MIER1: variants seen among roughly 807,000 people sequenced by gnomAD.
MIER1 encodes the protein MIER1 transcriptional regulator.
MIER1 carries 40 observed loss-of-function variants against 75.7 expected under a neutral mutation model. The ratio of observed to expected loss-of-function variants is 0.53; its 90% CI spans 0.41 to 0.69. The LOEUF (loss-of-function observed/expected upper bound fraction) is 0.69, where lower values mean the gene tolerates loss of function less well. Among genes scored for constraint, MIER1 ranks in the 30% least tolerant of loss-of-function variants. MIER1 has a pLI of 0.00. For synonymous variants in MIER1, 213 were observed against 223.4 expected, an observed-to-expected ratio of 0.95 and a Z score of 0.42; for missense variants, 574 against 680.2, an observed-to-expected ratio of 0.84 and a Z score of 1.74.
chr1:66,926,264 G>T lies in MIER1; in HGVS notation c.168+22G>T, dbSNP rs545537020. On this transcript the variant is annotated intron_variant, in intron 2 of 13. Transcript: ENST00000401041. Reference sequence around the variant, plus strand: ...GCTGGTAGGCAGGGGTACACTTGGAGATTAAGGGAGGGAAAATCCAAACTC... The same window carrying T: ...GCTGGTAGGCAGGGGTACACTTGGATATTAAGGGAGGGAAAATCCAAACTC... 2.3e-5 allele frequency: 35 copies of T among 1,535,226 alleles called. No individual in the cohort carries two copies. The East Asian group carries it at 5.8e-4, about 26-fold the overall frequency.
At chr1:66,980,993 C>T (rs1459957192) in intron 12 of MIER1, among the ~76,000 whole-genome samples, 1 of 152,026 alleles carries the variant, frequency 6.6e-6, no homozygotes, top group African/African-American at 2.4e-5. Context: ...AGCCCACAGG[C>T]TATAGTTGGC....
rs1029618926 is a variant in MIER1 at position 66,930,342 on chromosome 1, G to T, written c.168+4100G>T. The T allele has an allele frequency of 2.5e-6, 4 of 1,604,838 alleles. No individual in the cohort carries two copies. The East Asian group carries it at 9.1e-5, about 37-fold the overall frequency. ...TGAGTCTCACATCCGGGTTCTGGCC[G>T]TGACCCAGCTGCGGCCGCCGCGGAG... On this transcript the variant is annotated intron_variant, in intron 2 of 13. Transcript: ENST00000401041.
intron 3 of MIER1, among the ~76,000 whole-genome samples, chr1:66,945,094 C>G (rs556735833): frequency 6.6e-6 from 1 of 152,196 alleles, no homozygotes; most frequent in East Asian, 1.9e-4. Context: ...CTTCACTAGA[C>G]TGTGTATTCA....
chr1:66,945,313 A>G (rs867794967), intron 3 of MIER1, among the ~76,000 whole-genome samples: 1 of 89,792 alleles, frequency 1.1e-5, no homozygotes. Context: ...ATATATATAT[A>G]TATAAAATAC....
At position 66,941,378 on chromosome 1, in the gene MIER1, A is replaced by G. The variant is rs77349930; in HGVS notation, c.193+1326A>G. Among the ~76,000 whole-genome samples, 148 of 152,246 alleles carry G rather than the reference A, an allele frequency of 9.7e-4. 4 individuals carry two copies. In the East Asian group the frequency reaches 0.027, roughly 28 times the overall value. On this transcript the variant is annotated intron_variant, in intron 3 of 13. Transcript: ENST00000401041. ...AAGATTGGGAGTAATCTGGTCTTAG[A>G]TAAGTGTTAGATCACCATATTCATT... is the stretch of plus-strand genomic sequence containing the variant.
chr1:66,982,863 A>G (rs1666176936), intron 13 of MIER1, among the ~76,000 whole-genome samples: 1 of 152,228 alleles, frequency 6.6e-6, no homozygotes, highest in African/African-American at 2.4e-5. Flanking sequence ...CTGGTCCAAG[A>G]AGGTTTATTG....
intron 1 of MIER1, chr1:66,925,546 C>T (rs1442905167): frequency 1.0e-6 from 1 of 985,302 alleles, no homozygotes; most frequent in African/African-American, 1.7e-5. Context: ...TGAGCAGCGC[C>T]CTGGGCCAAC....
chr1:66,984,334 A>C (rs1666473028), intron 13 of MIER1, among the ~76,000 whole-genome samples: 2 of 152,210 alleles, frequency 1.3e-5, no homozygotes, highest in African/African-American at 4.8e-5. Context: ...AATTTTCACA[A>C]CAACCCTGTG....
chr1:66,942,083 T>C (rs1656379414), intron 3 of MIER1, among the ~76,000 whole-genome samples: 2 of 152,228 alleles, frequency 1.3e-5, no homozygotes, highest in Admixed American at 6.5e-5. Context: ...TCTTTTGAGT[T>C]AGACAGTATT....
Position 66,976,625 on chromosome 1 carries a change from G to A in MIER1, c.1132G>A (p.Ala378Thr). The A allele has an allele frequency of 6.2e-7, 1 of 1,604,322 alleles. No homozygotes were observed. Among genetic ancestry groups the A allele is most frequent in the Non-Finnish European group, 8.5e-7 (1 of 1,176,110 alleles). The stretch of plus-strand genomic sequence containing the variant: ...AACAAGGTCAGTTGGTGAATGTGTA[G>A]CATTCTATTACATGTGGAAAAAATC... ...VRTRSVGECVAFYYMWKKSER... is the reference protein window; with the variant it reads ...VRTRSVGECVTFYYMWKKSER... Residue 378 changes from alanine (A) to threonine (T), a missense_variant, in exon 12 of 14, where the codon GCA becomes ACA. Ala to Thr is a moderately conservative substitution (Grantham distance 58, BLOSUM62 0). Around this residue, in one of 3 missense-constraint regions of MIER1, gnomAD observed 101 missense variants for 173.1 expected, o/e 0.58. Coordinates refer to ENST00000401041, the MANE Select transcript of MIER1 (RefSeq NM_001077700.3).
intron 3 of MIER1, among the ~76,000 whole-genome samples, chr1:66,945,742 C>T (rs1657476122): frequency 6.6e-6 from 1 of 152,024 alleles, no homozygotes; most frequent in African/African-American, 2.4e-5. Flanking sequence ...GGTCATAGTC[C>T]CAGCTACTTT....
At chr1:66,968,994 CAG>C (rs1187888150) in intron 8 of MIER1, among the ~76,000 whole-genome samples, 1 of 152,146 alleles carries the variant, frequency 6.6e-6, no homozygotes, top group Non-Finnish European at 1.5e-5. Context: ...CTGCAGAGAA[CAG>C]AGGCTGAGCA....
chr1:66,954,101 C>G (rs915017224), intron 4 of MIER1, among the ~76,000 whole-genome samples: 2 of 152,176 alleles, frequency 1.3e-5, no homozygotes, highest in African/African-American at 4.8e-5. Flanking sequence ...AATCCTGTTG[C>G]ATCTCTTCAA....
chr1:66,955,336 G>GTTT (rs34006160), intron 4 of MIER1, among the ~76,000 whole-genome samples: 5,044 of 59,938 alleles, frequency 0.084, 1,461 homozygotes, highest in Middle Eastern at 0.19. Flanking sequence ...CATCACCTGA[G>GTTT]TTTTTTTTTT....
At chr1:66,930,585 G>T (rs879842813) in intron 2 of MIER1, among the ~76,000 whole-genome samples, 4 of 152,018 alleles carry the variant, frequency 2.6e-5, no homozygotes, top group African/African-American at 4.8e-5. Flanking sequence ...ATGGGTCCGG[G>T]GGTAGGAGGA....
rs1652049065 is a variant in MIER1 at position 66,927,256 on chromosome 1, G to A, written c.168+1014G>A. Among the ~76,000 whole-genome samples the A allele has an allele frequency of 3.3e-5, 5 of 152,068 alleles. No individual in the cohort carries two copies. In the South Asian group the frequency reaches 1.0e-3, roughly 32 times the overall value. On this transcript the variant is annotated intron_variant, in intron 2 of 13. Coordinates refer to ENST00000401041, the MANE Select transcript of MIER1 (RefSeq NM_001077700.3). ...ATGTTACTTTGCCTGAAAATAAGGA[G>A]GCTTTTAGGTGGGGAATAGGAGCTG...
chr1:66,947,821 C>G (rs1658027365), intron 4 of MIER1: 2 of 547,676 alleles, frequency 3.7e-6, no homozygotes, highest in Non-Finnish European at 4.6e-6. Flanking sequence ...CTGTTATAGC[C>G]ACACTAGCTG....
At chr1:66,940,607 A>G (rs1558033604) in intron 3 of MIER1, among the ~76,000 whole-genome samples, 2 of 152,184 alleles carry the variant, frequency 1.3e-5, no homozygotes, top group African/African-American at 4.8e-5. Context: ...TTCTTTCTCA[A>G]ATACAGTACA....
chr1:66,938,535 A>G (rs1655454108), intron 2 of MIER1, among the ~76,000 whole-genome samples: 1 of 152,176 alleles, frequency 6.6e-6, no homozygotes, highest in African/African-American at 2.4e-5. Context: ...TTACTATGTA[A>G]TAATTTGTGT....
Sources: allele counts gnomAD v4.1 joint callset (sites outside exome capture counted in the v4.1 genomes callset), GRCh38; gene constraint gnomAD v4.1.1; regional missense constraint gnomAD v4.1.1; transcripts MANE v1.5; gene names NCBI Gene and HGNC (gene_info 2026-07-23, HGNC 2026-07-21).